ARHGAP20: variants seen among roughly 807,000 people sequenced by gnomAD.
ARHGAP20 encodes Rho GTPase activating protein 20.
A neutral mutation model predicts 73.7 loss-of-function variants in ARHGAP20; 34 were observed. That is an observed-to-expected ratio of 0.46 (90% confidence interval 0.35 to 0.61). The LOEUF is 0.61. ARHGAP20 is among the 20% of genes least tolerant of loss of function. ARHGAP20 has a pLI of 0.00. For missense variants in ARHGAP20, 1,314 were observed against 1,420.9 expected (o/e 0.92, Z 1.21); for synonymous variants, 523 against 518.2 (o/e 1.01, Z -0.13).
In ARHGAP20 at chr11:110,579,628, T is replaced by C; in HGVS notation, c.3318A>G (p.Ser1106=). The part of the protein sequence containing the change: ...RAAEGLSPVQ[S]AQRCSSSPFQ... ...AGGGAGAAGAACTACACCTTTGGGC[T>C]GACTGCACAGGGGACAGTCCTTCAG... The change falls in exon 15 of 15, where the codon TCA becomes TCG. Residue 1106 remains serine (S), a synonymous_variant. Coordinates refer to ENST00000683387, the MANE Select transcript of ARHGAP20 (RefSeq NM_001384657.1). 6.2e-7 allele frequency: 1 copy of C among 1,614,218 alleles called. No individual in the cohort carries two copies. Among genetic ancestry groups the C allele is most frequent in the Non-Finnish European group, 8.5e-7 (1 of 1,180,048 alleles).
chr11:110,706,445 C>T (rs1005608804), intron 1 of ARHGAP20, among the ~76,000 whole-genome samples: 2 of 152,024 alleles, frequency 1.3e-5, no homozygotes, highest in African/African-American at 4.8e-5. Context: ...TTATAGCCAA[C>T]CCTTGTATTT....
At chr11:110,699,301 A>G (rs777466025) in intron 1 of ARHGAP20, among the ~76,000 whole-genome samples, 20 of 151,818 alleles carry the variant, frequency 1.3e-4, no homozygotes, top group Non-Finnish European at 2.9e-4. Flanking sequence ...TTTGGAATTT[A>G]TTGGGACTTC....
intron 2 of ARHGAP20, among the ~76,000 whole-genome samples, chr11:110,684,051 G>A (rs1950086112): frequency 6.6e-6 from 1 of 152,172 alleles, no homozygotes; most frequent in Admixed American, 6.5e-5. Context: ...AAACCTGCCA[G>A]TGCCTTAATC....
intron 7 of ARHGAP20, among the ~76,000 whole-genome samples, chr11:110,610,828 A>C (rs1282399910): frequency 6.6e-6 from 1 of 152,142 alleles, no homozygotes; most frequent in Admixed American, 6.5e-5. Context: ...TATCATCCTT[A>C]GGACTTGTAG....
In ARHGAP20 at chr11:110,702,743, G is replaced by C. The variant is rs368456037; in HGVS notation, c.105+9384C>G. Among the ~76,000 whole-genome samples, 67 of 152,180 alleles carry C rather than the reference G, an allele frequency of 4.4e-4. No individual in the cohort carries two copies. The East Asian group carries it at 0.013, about 29-fold the overall frequency. On this transcript the variant is annotated intron_variant, in intron 1 of 14. Coordinates refer to ENST00000683387, the MANE Select transcript of ARHGAP20 (RefSeq NM_001384657.1). Reference sequence around the variant, plus strand: ...CAAGCATTCCTATATACCAATAACAGACAAATAGAGAGCCAAATCATGAGT... The same window carrying C: ...CAAGCATTCCTATATACCAATAACACACAAATAGAGAGCCAAATCATGAGT...
chr11:110,585,262 A>G (rs1048706350), intron 12 of ARHGAP20, among the ~76,000 whole-genome samples: 16 of 152,012 alleles, frequency 1.1e-4, no homozygotes, highest in Admixed American at 5.3e-4. Context: ...TTATATTTGC[A>G]TGAGAGTCAT....
rs1947393504 is a variant in ARHGAP20, at chr11:110,579,821, A to G, written c.3125T>C (p.Val1042Ala). The stretch of plus-strand genomic sequence containing the variant: ...GAGGGACCAGTTTTTCAAACTGGCC[A>G]CACCATTTCTCAACCATGTGCTGGG... ...LHPSTWLRNG[V>A]ASLKNWSLKK... Residue 1042 changes from valine to alanine, a missense_variant, in exon 15 of 15, where the codon GTG becomes GCG. By Grantham distance (64) the Val-to-Ala change is moderately conservative. This residue lies in a region of ARHGAP20 where 641 missense variants were observed against 636.9 expected (regional missense o/e 1.01). Coordinates refer to ENST00000683387, the MANE Select transcript of ARHGAP20 (RefSeq NM_001384657.1). 6.2e-7 allele frequency: 1 copy of G among 1,614,076 alleles called. No individual in the cohort carries two copies. Among genetic ancestry groups the G allele is most frequent in the African/African-American group, 1.3e-5 (1 of 74,920 alleles).
intron 2 of ARHGAP20, among the ~76,000 whole-genome samples, chr11:110,632,405 A>AT (rs796555087): frequency 4.0e-5 from 6 of 151,258 alleles, no homozygotes; most frequent in South Asian, 2.1e-4. Flanking sequence ...TTTAATTAGG[A>AT]TTTTTTTTTC....
rs376944015 is a variant in ARHGAP20 at position 110,661,826 on chromosome 11, G to A, written c.188+28721C>T. On this transcript the variant is annotated intron_variant, in intron 2 of 14. Transcript: ENST00000683387. ...TGGGAATGGTACAACCCTTATGAGG[G>A]AAAAGTGGTAATATTTAACAAGATA... Among the ~76,000 whole-genome samples, 9 of 152,120 alleles carry A rather than the reference G, an allele frequency of 5.9e-5. No homozygotes were observed. In the East Asian group the frequency reaches 1.7e-3, roughly 29 times the overall value.
intron 2 of ARHGAP20, among the ~76,000 whole-genome samples, chr11:110,661,571 A>G (rs1343893043): frequency 6.6e-6 from 1 of 151,420 alleles, no homozygotes; most frequent in Non-Finnish European, 1.5e-5. Flanking sequence ...TATATAAAGA[A>G]CATTTTTTTC....
At chr11:110,673,125 A>G (rs1251162365) in intron 2 of ARHGAP20, among the ~76,000 whole-genome samples, 1 of 152,216 alleles carries the variant, frequency 6.6e-6, no homozygotes, top group African/African-American at 2.4e-5. Context: ...GAAATATATA[A>G]GACAAAAAGA....
In ARHGAP20 at chr11:110,650,237, C is replaced by A. The variant is rs1428187924; in HGVS notation, c.189-19445G>T. On this transcript the variant is annotated intron_variant, in intron 2 of 14. Coordinates refer to ENST00000683387, the MANE Select transcript of ARHGAP20 (RefSeq NM_001384657.1). ...TTATAGTATGTATCGAGGTAGGATG[C>A]AAATCTTATTTCTGAACCCCTGTTC... Among the ~76,000 whole-genome samples, 10 of 152,198 alleles carry A rather than the reference C, an allele frequency of 6.6e-5. No homozygotes were observed. In the East Asian group the frequency reaches 1.9e-3, roughly 29 times the overall value.
chr11:110,670,988 T>C (rs1179934625), intron 2 of ARHGAP20, among the ~76,000 whole-genome samples: 1 of 152,062 alleles, frequency 6.6e-6, no homozygotes, highest in South Asian at 2.1e-4. Flanking sequence ...AAAAGTACTC[T>C]AGGTAAAAGC....
intron 2 of ARHGAP20, among the ~76,000 whole-genome samples, chr11:110,659,982 C>G (rs1464622126): frequency 6.7e-6 from 1 of 148,258 alleles, no homozygotes; most frequent in Non-Finnish European, 1.5e-5. Flanking sequence ...TGCAGCGCAC[C>G]AGCATGGCAC....
chr11:110,581,035 G>A lies in ARHGAP20; in HGVS notation c.1911C>T (p.Ser637=), dbSNP rs757544361. 1.2e-5 allele frequency: 19 copies of A among 1,614,128 alleles called. No individual in the cohort carries two copies. Among genetic ancestry groups the A allele is most frequent in the East Asian group, 6.7e-5 (3 of 44,874 alleles). ...CTTTAGAATGGGCCAAGTCAAAGTC[G>A]CTTAGGGTTAAAAGGCCTTCCACCT... ...QPEVEGLLTL[S]DFDLAHSKDE... The change falls in exon 15 of 15, where the codon AGC becomes AGT. Residue 637 remains serine (S), a synonymous_variant. Coordinates refer to ENST00000683387, the MANE Select transcript of ARHGAP20 (RefSeq NM_001384657.1).
chr11:110,645,102 T>C (rs976858720), intron 2 of ARHGAP20, among the ~76,000 whole-genome samples: 2 of 152,008 alleles, frequency 1.3e-5, no homozygotes, highest in African/African-American at 2.4e-5. Flanking sequence ...CTCTGCCTCC[T>C]GGGTTCAAGT....
At chr11:110,684,523 A>C (rs1200537195) in intron 2 of ARHGAP20, among the ~76,000 whole-genome samples, 2 of 152,268 alleles carry the variant, frequency 1.3e-5, no homozygotes, top group East Asian at 3.9e-4. Context: ...ATTTTCAAAG[A>C]ACTTAAAATA....
At chr11:110,681,171 C>T (rs1950030139) in intron 2 of ARHGAP20, among the ~76,000 whole-genome samples, 1 of 152,104 alleles carries the variant, frequency 6.6e-6, no homozygotes, top group Admixed American at 6.6e-5. Flanking sequence ...TGCAAGACAG[C>T]ACATGGAACA....
intron 11 of ARHGAP20, among the ~76,000 whole-genome samples, chr11:110,587,531 T>A (rs1176661084): frequency 6.6e-6 from 1 of 152,250 alleles, no homozygotes; most frequent in Non-Finnish European, 1.5e-5. Context: ...CAGCTGATTA[T>A]GTGGGCATCT....
Sources: allele counts gnomAD v4.1 joint callset (sites outside exome capture counted in the v4.1 genomes callset), GRCh38; gene constraint gnomAD v4.1.1; regional missense constraint gnomAD v4.1.1; transcripts MANE v1.5; gene names NCBI Gene and HGNC (gene_info 2026-07-23, HGNC 2026-07-21).